The following FCN2 variants were observed in gnomAD, a reference collection of about 807,000 sequenced individuals.
FCN2 encodes the protein ficolin 2, also known as ficolin-2.
A neutral mutation model predicts 32.5 loss-of-function variants in FCN2; 31 were observed. That is an observed-to-expected ratio of 0.96 (90% CI 0.72 to 1.29). The LOEUF (loss-of-function observed/expected upper bound fraction) is 1.29, where lower values mean the gene tolerates loss of function less well. Among genes scored for constraint, FCN2 ranks in the 50% most tolerant of loss-of-function variants. The pLI, the probability that FCN2 is intolerant of heterozygous loss-of-function variation, is 0.00. For missense variants in FCN2, 412 were observed against 406.5 expected, an observed-to-expected ratio of 1.01 and a Z score of -0.12; for synonymous variants, 181 against 164.5, an observed-to-expected ratio of 1.10 and a Z score of -0.77.
intron 3 of FCN2, among the ~76,000 whole-genome samples, chr9:134,883,871 T>TG (rs1219180950): frequency 1.7e-4 from 4 of 23,494 alleles, no homozygotes; most frequent in Non-Finnish European, 2.4e-4. Context: ...GCTGTCTGTA[T>TG]GGGGGGGTTC....
the FCN2 span, among the ~76,000 whole-genome samples, chr9:134,869,856 C>T: frequency 6.6e-6 from 1 of 152,312 alleles, no homozygotes. Flanking sequence ...GAACAGGCCC[C>T]TCAGGTGGGC....
At chr9:134,870,333 T>C in the FCN2 span, among the ~76,000 whole-genome samples, 3 of 152,126 alleles carry the variant, frequency 2.0e-5, no homozygotes, top group Non-Finnish European at 4.4e-5. The surrounding 1 kb of genome is among the most constrained non-coding windows in gnomAD (Gnocchi z 4.3). Flanking sequence ...CAGAGGTCCG[T>C]GGGCTCACTG....
At chr9:134,883,187 G>C in intron 2 of FCN2, 115 bp from the exon 3 acceptor site, 1 of 931,956 alleles carries the variant, frequency 1.1e-6, no homozygotes, top group Non-Finnish European at 1.8e-6. Context: ...CAGTCACGTC[G>C]TAGCACGAGC....
chr9:134,886,605 G>A (rs746724223), intron 7 of FCN2, 41 bp downstream of exon 7: 10 of 1,611,026 alleles, frequency 6.2e-6, no homozygotes, highest in Non-Finnish European at 8.5e-6. Context: ...GGCTTCTGAG[G>A]GGGGTTTGGG....
At chr9:134,870,594 C>T in the FCN2 span, among the ~76,000 whole-genome samples, 27 of 152,228 alleles carry the variant, frequency 1.8e-4, no homozygotes, top group African/African-American at 6.5e-4. This position sits in a 1 kb window ranked among gnomAD's most constrained non-coding sequence, Gnocchi z 4.3. Context: ...CAAGCAGCCA[C>T]GGTGAGCAAA....
At chr9:134,882,083 T>C (rs1830671928) in intron 1 of FCN2, among the ~76,000 whole-genome samples, 1 of 152,148 alleles carries the variant, frequency 6.6e-6, no homozygotes, top group African/African-American at 2.4e-5. Context: ...TCACCCGATA[T>C]TGATTACAAT....
At chr9:134,874,788 T>TTG in the FCN2 span, among the ~76,000 whole-genome samples, 1 of 152,196 alleles carries the variant, frequency 6.6e-6, no homozygotes, top group Non-Finnish European at 1.5e-5. Flanking sequence ...TGCAGATCAA[T>TTG]TTGGGGAGAA....
At position 134,886,564 on chromosome 9, in the gene FCN2, G is replaced by A. The variant is rs201897230; in HGVS notation, c.694G>A (p.Gly232Arg). Residue 232 changes from glycine to arginine, a missense_variant and splice_region_variant, in exon 7 of 8, where the codon GGA becomes AGA. By Grantham distance (125) the Gly-to-Arg change is moderately radical (BLOSUM62 -2). Coordinates refer to ENST00000291744, the MANE Select transcript of FCN2 (RefSeq NM_004108.3). ...GGGGGCCTTCGTGGAGGGCAGTGCG[G>A]GTGAGTGTCTGCTTGGGGCTGTGTG... ...VLGAFVEGSA[G>R]DSLTFHNNQS... The A allele has an allele frequency of 2.1e-5, 34 of 1,614,068 alleles. No homozygotes were observed. The East Asian group carries it at 6.7e-4, about 32-fold the overall frequency.
intron 1 of FCN2, 40 bp from the exon 2 acceptor site, chr9:134,882,486 G>A (rs202061925): frequency 6.6e-7 from 1 of 1,519,288 alleles, no homozygotes; most frequent in East Asian, 2.3e-5. Context: ...GAGTCTTCAG[G>A]CCCAGGTGAC....
At chr9:134,864,950 G>A in the FCN2 span, among the ~76,000 whole-genome samples, 1 of 152,338 alleles carries the variant, frequency 6.6e-6, no homozygotes, top group Non-Finnish European at 1.5e-5. Flanking sequence ...CCCCGGGGCC[G>A]AATCCTCCTC....
intron 5 of FCN2, 34 bp from the exon 6 acceptor site, chr9:134,885,733 GC>G (rs756554144): frequency 3.7e-6 from 6 of 1,612,534 alleles, no homozygotes; most frequent in Admixed American, 1.7e-5. Flanking sequence ...CGTCGGCCTG[GC>G]CCCCCCGGCT....
the FCN2 span, among the ~76,000 whole-genome samples, chr9:134,870,584 C>T: frequency 4.6e-5 from 7 of 152,156 alleles, no homozygotes; most frequent in Admixed American, 1.3e-4. This position sits in a 1 kb window ranked among gnomAD's most constrained non-coding sequence, Gnocchi z 4.3. Flanking sequence ...TACTGAGCCC[C>T]AAGCAGCCAC....
chr9:134,872,533 G>A, the FCN2 span, among the ~76,000 whole-genome samples: 11 of 152,314 alleles, frequency 7.2e-5, no homozygotes, highest in Middle Eastern at 0.01. Flanking sequence ...AAAGGAAAGA[G>A]GTTTAATGGA....
rs995168799 is a variant in FCN2, at chr9:134,880,888, G to T, written c.67G>T (p.Ala23Ser). 6.2e-7 allele frequency: 1 copy of T among 1,613,548 alleles called. No individual in the cohort carries two copies. The highest frequency in any genetic ancestry group is 1.1e-5 in the South Asian group (1 of 90,964). Residue 23 changes from alanine (A) to serine (S), a missense_variant, in exon 1 of 8, where the codon GCC becomes TCC. Coordinates refer to ENST00000291744, the MANE Select transcript of FCN2 (RefSeq NM_004108.3). ...ATLLLSFLGMAWALQAADTCP... is the reference protein window; with the variant it reads ...ATLLLSFLGMSWALQAADTCP... ...CCTGCTGCTCTCTTTCCTGGGCATG[G>T]CCTGGGCTCTCCAGGCGGCAGACAC...
the FCN2 span, among the ~76,000 whole-genome samples, chr9:134,864,671 A>C: frequency 6.6e-6 from 1 of 152,180 alleles, no homozygotes; most frequent in African/African-American, 2.4e-5. Flanking sequence ...CAGGTGAGTC[A>C]GCCCCCCGGT....
chr9:134,872,672 T>C, the FCN2 span, among the ~76,000 whole-genome samples: 1 of 151,868 alleles, frequency 6.6e-6, no homozygotes, highest in Admixed American at 6.6e-5. Flanking sequence ...TATAAAACCA[T>C]CAGATCTCGT....
chr9:134,864,949 C>T, the FCN2 span, among the ~76,000 whole-genome samples: 1 of 152,212 alleles, frequency 6.6e-6, no homozygotes. Flanking sequence ...TCCCCGGGGC[C>T]GAATCCTCCT....
Position 134,887,481 on chromosome 9 carries a change from T to C in FCN2, c.*66T>C. The C allele has an allele frequency of 1.3e-6, 2 of 1,503,928 alleles. No homozygotes were observed. The allele number at this position is 1,503,928 out of a possible 1,614,324, so 93.2% of individuals were successfully genotyped here. A position where few individuals can be genotyped will look rare whatever the true frequency, so the allele number is the denominator to read the frequency against. On this transcript the variant is annotated 3_prime_UTR_variant, in exon 8 of 8. Transcript: ENST00000291744. The stretch of plus-strand genomic sequence containing the variant: ...TGGTTGGGGGGTAGGGTTGGGAGCT[T>C]GGCCCTACGGTTTGTAAAAGAAACA...
chr9:134,869,480 G>A, the FCN2 span, among the ~76,000 whole-genome samples: 13 of 152,158 alleles, frequency 8.5e-5, no homozygotes, highest in African/African-American at 2.2e-4. Context: ...GCAGAGGGTG[G>A]AGGGTTCTCC....
Sources: gnomAD v4.1 joint callset for allele counts (sites outside exome capture counted in the v4.1 genomes callset) on GRCh38, gnomAD v4.1.1 for gene constraint, Gnocchi (gnomAD v3.1) non-coding constraint, MANE v1.5 for transcripts, NCBI Gene and HGNC (gene_info 2026-07-23, HGNC 2026-07-21) for gene names.